The following HARBI1 variants were observed in gnomAD, a reference collection of about 807,000 sequenced individuals.
The protein encoded by HARBI1 is putative nuclease HARBI1.
HARBI1 carries 15 observed loss-of-function variants against 25.3 expected under a neutral mutation model. That is an observed-to-expected ratio of 0.59 (90% CI 0.40 to 0.91). The LOEUF is 0.91. Ranked by LOEUF, HARBI1 falls within the 40% of genes least tolerant of loss-of-function variation. HARBI1 has a pLI of 0.00. For synonymous variants in HARBI1, 168 were observed against 160.5 expected (o/e 1.05, Z -0.35); for missense variants, 396 against 445.8 (o/e 0.89, Z 1.01).
chr11:46,604,728 G>A (rs2044872518), intron 2 of HARBI1: 2 of 984,516 alleles, frequency 2.0e-6, no homozygotes, highest in Admixed American at 6.2e-5. Context: ...GAACTCAGGT[G>A]TTCTGCCTTC....
intron 2 of HARBI1, among the ~76,000 whole-genome samples, chr11:46,611,142 G>C (rs2045167586): frequency 6.6e-6 from 1 of 151,444 alleles, no homozygotes; most frequent in Admixed American, 6.6e-5. Context: ...GGAGTAGCTG[G>C]GACTACAGGC....
intron 2 of HARBI1, among the ~76,000 whole-genome samples, chr11:46,610,346 A>AATATAT (rs111841155): frequency 5.9e-4 from 85 of 144,800 alleles, no homozygotes; most frequent in African/African-American, 2.0e-3. Flanking sequence ...GTATGTATAT[A>AATATAT]ATATATATAT....
intron 2 of HARBI1, among the ~76,000 whole-genome samples, chr11:46,606,406 G>A (rs563320306): frequency 1.3e-5 from 2 of 151,266 alleles, no homozygotes; most frequent in African/African-American, 4.9e-5. Flanking sequence ...TCTGCCTCCC[G>A]GGTTGAAGCT....
In HARBI1 at chr11:46,603,753, C is replaced by T; in HGVS notation, c.827G>A (p.Gly276Glu). The change falls in exon 3 of 3, where the codon GGA (glycine) becomes GAA (glutamate). Residue 276 changes from glycine to glutamate, a missense_variant. Gly to Glu is a moderately conservative substitution (Grantham distance 98). Transcript: ENST00000326737. ...TGAGTACTGCAGTGCCCCCTTGGAT[C>T]CATCCAGGCAGCGGAATCGGGAGCA... is the stretch of plus-strand genomic sequence containing the variant. Reference protein sequence around the residue: ...TLCSRFRCLDGSKGALQYSPE... With the variant: ...TLCSRFRCLDESKGALQYSPE... 1 of 1,614,168 alleles carries T rather than the reference C, an allele frequency of 6.2e-7. No homozygotes were observed. The highest frequency in any genetic ancestry group is 8.5e-7 in the Non-Finnish European group (1 of 1,180,034).
rs1565343640 is a variant in HARBI1 at position 46,603,713 on chromosome 11, G to C, written c.867C>G (p.Ser289Arg). ...GGACACAACAGGCCAAGATGATATG[G>C]CTGGATTTCTCTGGTGAGTACTGCA... is the stretch of plus-strand genomic sequence containing the variant. ...GALQYSPEKSSHIILACCVLH... is the reference protein window; with the variant it reads ...GALQYSPEKSRHIILACCVLH... The change falls in exon 3 of 3, where the codon AGC becomes AGG. Residue 289 changes from serine (S) to arginine (R), a missense_variant. Physicochemically the swap from Ser to Arg is moderately radical, Grantham distance 110. Coordinates refer to ENST00000326737, the MANE Select transcript of HARBI1 (RefSeq NM_173811.4). The C allele has an allele frequency of 6.2e-7, 1 of 1,614,170 alleles. No individual in the cohort carries two copies. Among genetic ancestry groups the C allele is most frequent in the Admixed American group, 1.7e-5 (1 of 60,004 alleles).
rs766489500 is a variant in HARBI1 at position 46,615,989 on chromosome 11, A to G, written c.249T>C (p.Gly83=). Residue 83 remains glycine, a synonymous_variant, in exon 2 of 3, where the codon GGT becomes GGC. Transcript: ENST00000326737. The part of the protein sequence containing the change: ...VLAALGFYTS[G]SFQTRMGDAI... ...CATCTCCCATCCGAGTCTGGAAGGAACCTGAGGTATAAAAACCCAATGCTG... is the reference window on the plus strand; with the variant it reads ...CATCTCCCATCCGAGTCTGGAAGGAGCCTGAGGTATAAAAACCCAATGCTG... 16 of 1,614,124 alleles carry G rather than the reference A, an allele frequency of 9.9e-6. No homozygotes were observed. The highest frequency in any genetic ancestry group is 1.1e-5 in the South Asian group (1 of 91,096).
rs2044817954 is a variant in HARBI1, at chr11:46,602,878, T to G, written c.*652A>C. The G allele has an allele frequency of 7.0e-6, 1 of 143,866 alleles. No homozygotes were observed. Among genetic ancestry groups the G allele is most frequent in the African/African-American group, 2.6e-5 (1 of 37,882 alleles). 8.9% of individuals were successfully genotyped at this position (143,866 alleles called of 1,614,324 possible). A position where few individuals can be genotyped will look rare whatever the true frequency, so the allele number is the denominator to read the frequency against. On this transcript the variant is annotated 3_prime_UTR_variant, in exon 3 of 3. Coordinates refer to ENST00000326737, the MANE Select transcript of HARBI1 (RefSeq NM_173811.4). ...TTTTTTTTGAGACGGAGTTTCGCTC[T>G]TCTTGCCTAGGCTGGAGTGCAATGG...
chr11:46,617,611 G>A (rs1215335313), upstream of HARBI1: 1 of 247,760 alleles, frequency 4.0e-6, no homozygotes, highest in Non-Finnish European at 7.4e-6. Context: ...GGAAGCGACC[G>A]GCTGCTGGGC....
intron 2 of HARBI1, among the ~76,000 whole-genome samples, chr11:46,606,497 G>T (rs954876735): frequency 6.6e-6 from 1 of 151,284 alleles, no homozygotes; most frequent in African/African-American, 2.4e-5. Context: ...ATTTTTAGTA[G>T]AGATGGGGAT....
At chr11:46,610,873 T>C (rs911458058) in intron 2 of HARBI1, among the ~76,000 whole-genome samples, 43 of 152,098 alleles carry the variant, frequency 2.8e-4, no homozygotes, top group Non-Finnish European at 5.9e-5. Context: ...AAGAAGTCCT[T>C]ACCAGGAATA....
chr11:46,604,114 G>A, intron 2 of HARBI1: 2 of 985,376 alleles, frequency 2.0e-6, no homozygotes, highest in African/African-American at 1.7e-5. Flanking sequence ...TTCTGGCTGA[G>A]AATGTCGTTG....
In HARBI1 at chr11:46,603,333, GTTTAATTAATGC is replaced by G. The variant is rs1399761502; in HGVS notation, c.*185_*196del. 1 of 532,138 alleles carries G rather than the reference GTTTAATTAATGC, an allele frequency of 1.9e-6. No individual in the cohort carries two copies. Among genetic ancestry groups the G allele is most frequent in the Non-Finnish European group, 3.3e-6 (1 of 304,434 alleles). 33.0% of individuals were successfully genotyped at this position (532,138 alleles called of 1,614,324 possible). On this transcript the variant is annotated 3_prime_UTR_variant, in exon 3 of 3. Coordinates refer to ENST00000326737, the MANE Select transcript of HARBI1 (RefSeq NM_173811.4). ...GTAGGGAGCCGCTGTCTTGGTTTCAGTTTAATTAATGCATATGCAAATGAATCAAGATATTCT... is the reference window on the plus strand; with the variant it reads ...GTAGGGAGCCGCTGTCTTGGTTTCAGATATGCAAATGAATCAAGATATTCT...
Position 46,616,184 on chromosome 11 carries a change from A to C in HARBI1, c.54T>G (p.Gly18=). 1 of 1,613,378 alleles carries C rather than the reference A, an allele frequency of 6.2e-7. No homozygotes were observed. The highest frequency in any genetic ancestry group is 1.7e-5 in the Admixed American group (1 of 60,030). ...LDCDLLLYGR[G]HRTLDRFKLD... Reference sequence around the variant, plus strand: ...GCTTAAAACGGTCCAATGTCCGGTGACCACGGCCATATAGCAAGAGGTCAC... The same window carrying C: ...GCTTAAAACGGTCCAATGTCCGGTGCCCACGGCCATATAGCAAGAGGTCAC... The change falls in exon 2 of 3, where the codon GGT becomes GGG. Residue 18 remains glycine (G), a synonymous_variant. Transcript: ENST00000326737.
chr11:46,608,324 A>C (rs1279673362), intron 2 of HARBI1, among the ~76,000 whole-genome samples: 2 of 152,134 alleles, frequency 1.3e-5, no homozygotes, highest in East Asian at 1.9e-4. Context: ...CAACAACAAC[A>C]AAAATACAAT....
rs1392759105 is a variant in HARBI1, at chr11:46,616,191, C to A, written c.47G>T (p.Gly16Val). 6.2e-7 allele frequency: 1 copy of A among 1,612,850 alleles called. No homozygotes were observed. Residue 16 changes from glycine to valine, a missense_variant, in exon 2 of 3, where the codon GGC becomes GTC. By Grantham distance (109) the Gly-to-Val change is moderately radical (BLOSUM62 -3). Coordinates refer to ENST00000326737, the MANE Select transcript of HARBI1 (RefSeq NM_173811.4). ...TVLDCDLLLY[G>V]RGHRTLDRFK... ...ACGGTCCAATGTCCGGTGACCACGG[C>A]CATATAGCAAGAGGTCACAGTCAAG... is the stretch of plus-strand genomic sequence containing the variant.
chr11:46,612,405 A>AC (rs2045218475), intron 2 of HARBI1, among the ~76,000 whole-genome samples: 1 of 152,068 alleles, frequency 6.6e-6, no homozygotes, highest in African/African-American at 2.4e-5. Flanking sequence ...TAAAAAAAAA[A>AC]CAAACCCAAA....
chr11:46,616,429 A>C, intron 1 of HARBI1, 48 bp from the exon 2 acceptor site: 1 of 1,401,872 alleles, frequency 7.1e-7, no homozygotes, highest in East Asian at 2.6e-5. Context: ...AAAGACTTTA[A>C]AGTGACTCAA....
rs1220909524 is a variant in HARBI1, at chr11:46,615,787, T to C, written c.451A>G (p.Ile151Val). The C allele has an allele frequency of 6.2e-7, 1 of 1,614,152 alleles. No individual in the cohort carries two copies. Among genetic ancestry groups the C allele is most frequent in the South Asian group, 1.1e-5 (1 of 91,082 alleles). The change falls in exon 2 of 3, where the codon ATC becomes GTC. Residue 151 changes from isoleucine to valine, a missense_variant. Coordinates refer to ENST00000326737, the MANE Select transcript of HARBI1 (RefSeq NM_173811.4). ...MPGVMGVVDCIHVAIKAPNAE... is the reference protein window; with the variant it reads ...MPGVMGVVDCVHVAIKAPNAE... ...TTTGGTGCCTTGATGGCCACATGGA[T>C]ACAGTCAACCACCCCCATCACCCCT...
At chr11:46,605,486 G>A (rs1000734782) in intron 2 of HARBI1, among the ~76,000 whole-genome samples, 1 of 151,568 alleles carries the variant, frequency 6.6e-6, no homozygotes, top group Non-Finnish European at 1.5e-5. Flanking sequence ...TTACAGCGCC[G>A]AGCAGGAGCT....
Sources: allele counts gnomAD v4.1 joint callset (sites outside exome capture counted in the v4.1 genomes callset), GRCh38; gene constraint gnomAD v4.1.1; transcripts MANE v1.5; gene names NCBI Gene and HGNC (gene_info 2026-07-23, HGNC 2026-07-21).